KCNH3: variants seen among roughly 807,000 people sequenced by gnomAD.
The protein encoded by KCNH3 is potassium voltage-gated channel subfamily H member 3.
A neutral mutation model predicts 95.6 loss-of-function variants in KCNH3; 36 were observed. That is an observed-to-expected ratio of 0.38 (90% CI 0.29 to 0.50). KCNH3 has a LOEUF of 0.50. Ranked by LOEUF, KCNH3 falls within the 20% of genes least tolerant of loss-of-function variation. The pLI is 0.95. For synonymous variants in KCNH3, 620 were observed against 646.3 expected (o/e 0.96, Z 0.62); for missense variants, 1,030 against 1,484.1 (o/e 0.69, Z 5.03).
intron 5 of KCNH3, 121 bp downstream of exon 5, chr12:49,543,639 T>G: frequency 7.4e-7 from 1 of 1,354,044 alleles, no homozygotes; most frequent in East Asian, 2.4e-5. Context: ...ATTTGTAACC[T>G]GTGAGCTTTG....
intron 2 of KCNH3, 73 bp downstream of exon 2, chr12:49,541,205 C>T (rs1937859298): frequency 2.7e-6 from 3 of 1,098,644 alleles, no homozygotes; most frequent in Non-Finnish European, 4.0e-6. Context: ...CATCCACTGT[C>T]CCTCCTCCTT....
intron 11 of KCNH3, among the ~76,000 whole-genome samples, chr12:49,555,211 C>T (rs1295942780): frequency 1.3e-5 from 2 of 148,372 alleles, no homozygotes; most frequent in Non-Finnish European, 3.0e-5. Context: ...GAGGCTGAGG[C>T]GGGTGGATCA....
Position 49,557,601 on chromosome 12 carries a change from G to A in KCNH3, c.2900G>A (p.Gly967Glu), listed in dbSNP as rs1268903640. The change falls in exon 15 of 15, where the codon GGG becomes GAG. Residue 967 changes from glycine (G) to glutamate (E), a missense_variant. Around this residue, in one of 9 missense-constraint regions of KCNH3, gnomAD observed 464 missense variants for 493.2 expected, o/e 0.94. Transcript: ENST00000257981. ...GGGACTTGGCCCCACCCTCGTCCGG[G>A]GCCTCCTCCCCTCATGGCACCCTGG... The part of the protein sequence containing the change: ...LSGTWPHPRP[G>E]PPPLMAPWPW... 1 of 1,613,260 alleles carries A rather than the reference G, an allele frequency of 6.2e-7. No homozygotes were observed. The highest frequency in any genetic ancestry group is 1.1e-5 in the South Asian group (1 of 91,060).
rs531439540 is a variant in KCNH3, at chr12:49,543,740, C to T, written c.824-175C>T. 500 of 1,041,992 alleles carry T rather than the reference C, an allele frequency of 4.8e-4. 4 individuals carry two copies. Among genetic ancestry groups the T allele is most frequent in the East Asian group, 2.5e-3 (97 of 38,522 alleles). The allele number at this position is 1,041,992 out of a possible 1,614,324, so 64.5% of individuals were successfully genotyped here. A position where few individuals can be genotyped will look rare whatever the true frequency, so the allele number is the denominator to read the frequency against. ...TCTCTGAGCCTCCATAAAATAGATTCCCCCTTTGTAAAATAGGCAAAATGA... is the reference window on the plus strand; with the variant it reads ...TCTCTGAGCCTCCATAAAATAGATTTCCCCTTTGTAAAATAGGCAAAATGA... On this transcript the variant is annotated intron_variant, in intron 5 of 14. Coordinates refer to ENST00000257981, the MANE Select transcript of KCNH3 (RefSeq NM_012284.3).
intron 4 of KCNH3, 129 bp from the exon 5 acceptor site, chr12:49,543,143 CCAT>C (rs1473403730): frequency 4.0e-6 from 4 of 1,001,834 alleles, no homozygotes; most frequent in Non-Finnish European, 5.8e-6. Context: ...GATGCTAATG[CCAT>C]CTCGAAGCAG....
chr12:49,550,043 T>TTCCCCC, intron 9 of KCNH3, 37 bp from the exon 10 acceptor site: 54 of 1,299,526 alleles, frequency 4.2e-5, no homozygotes, highest in East Asian at 7.6e-5. Flanking sequence ...CTTCTGCCAC[T>TTCCCCC]CCCAACCCCC....
At chr12:49,552,107 T>C (rs1938284125) in intron 10 of KCNH3, among the ~76,000 whole-genome samples, 1 of 152,218 alleles carries the variant, frequency 6.6e-6, no homozygotes, top group African/African-American at 2.4e-5. Context: ...CTGGCAATCC[T>C]TGGAGAGATT....
Position 49,544,464 on chromosome 12 carries a change from G to C in KCNH3, c.1189+82G>C, listed in dbSNP as rs1937991177. ...GTGCCAGCGTGGGTGCAGATGTGTG[G>C]TGTCCCTACCTGTGCAAGTCTGCAC... On this transcript the variant is annotated intron_variant, in intron 7 of 14. Transcript: ENST00000257981. 8 of 1,388,054 alleles carry C rather than the reference G, an allele frequency of 5.8e-6. No individual in the cohort carries two copies. In the Admixed American group the frequency reaches 8.5e-5, roughly 15 times the overall value. The allele number at this position is 1,388,054 out of a possible 1,614,324, so 86.0% of individuals were successfully genotyped here. A position where few individuals can be genotyped will look rare whatever the true frequency, so the allele number is the denominator to read the frequency against.
Position 49,539,849 on chromosome 12 carries a change from G to C in KCNH3, c.76+357G>C, listed in dbSNP as rs1038802079. Among the ~76,000 whole-genome samples the C allele has an allele frequency of 1.3e-5, 2 of 152,214 alleles. No individual in the cohort carries two copies. Among genetic ancestry groups the C allele is most frequent in the African/African-American group, 4.8e-5 (2 of 41,464 alleles). On this transcript the variant is annotated intron_variant, in intron 1 of 14. Coordinates refer to ENST00000257981, the MANE Select transcript of KCNH3 (RefSeq NM_012284.3). The surrounding 1 kb of genome is among the most constrained non-coding windows in gnomAD (Gnocchi z 6.7). ...TACCCTCGGACTGGTGGGGTAAGGC[G>C]AGGCGGGTGAACAGTGCTCAGGGAC...
intron 13 of KCNH3, chr12:49,556,683 G>C (rs1269241715): frequency 2.9e-6 from 2 of 698,770 alleles, no homozygotes; most frequent in East Asian, 2.7e-5. Context: ...CCAGGAACTG[G>C]GTTTATATCC....
Position 49,543,348 on chromosome 12 carries a change from TGCACTGTGGG to T in KCNH3, c.660_669del (p.Cys220Ter). The T allele has an allele frequency of 1.9e-6, 3 of 1,613,762 alleles. No homozygotes were observed. The highest frequency in any genetic ancestry group is 2.5e-6 in the Non-Finnish European group (3 of 1,180,022). On this transcript the variant is annotated frameshift_variant, in exon 5 of 15. Coordinates refer to ENST00000257981, the MANE Select transcript of KCNH3 (RefSeq NM_012284.3). LOFTEE classifies it high-confidence loss of function. ...ATCCGGAAGTCGCCCTTCATCCTGTTGCACTGTGGGGCACTGAGAGCCACCTGGGATGGCT... is the reference window on the plus strand; with the variant it reads ...ATCCGGAAGTCGCCCTTCATCCTGTTGCACTGAGAGCCACCTGGGATGGCT...
chr12:49,541,140 G>A lies in KCNH3; in HGVS notation c.310+8G>A, dbSNP rs768658333. On this transcript the variant is annotated splice_region_variant and intron_variant, in intron 2 of 14. Coordinates refer to ENST00000257981, the MANE Select transcript of KCNH3 (RefSeq NM_012284.3). ...TCCTGTACCGGAAGAGCGGTGAGGG[G>A]CCACCTGGCCAGCCTGCCTCACCTT... 1 of 1,591,686 alleles carries A rather than the reference G, an allele frequency of 6.3e-7. No individual in the cohort carries two copies. The highest frequency in any genetic ancestry group is 1.3e-5 in the African/African-American group (1 of 74,750).
Position 49,542,821 on chromosome 12 carries a change from C to G in KCNH3, c.561C>G (p.Gly187=). 6.2e-7 allele frequency: 1 copy of G among 1,606,690 alleles called. No individual in the cohort carries two copies. The highest frequency in any genetic ancestry group is 2.2e-5 in the East Asian group (1 of 44,622). The change falls in exon 4 of 15, where the codon GGC becomes GGG. Residue 187 remains glycine, a synonymous_variant. Transcript: ENST00000257981. ...LSGHLQKQPK[G]KHKLNKGVFG... The stretch of plus-strand genomic sequence containing the variant: ...GGCACCTGCAGAAGCAGCCCAAGGG[C>G]AAGCACAAGCTCAATAAGGTGGGCT...
At chr12:49,548,549 C>A (rs1938147150) in intron 7 of KCNH3, among the ~76,000 whole-genome samples, 2 of 152,120 alleles carry the variant, frequency 1.3e-5, no homozygotes, top group Admixed American at 1.3e-4. Flanking sequence ...CACCATCCAT[C>A]TTTTGGGGTT....
At chr12:49,545,539 T>C (rs1397915810) in intron 7 of KCNH3, among the ~76,000 whole-genome samples, 1 of 151,290 alleles carries the variant, frequency 6.6e-6, no homozygotes, top group Non-Finnish European at 1.5e-5. Flanking sequence ...ACTACAGGCA[T>C]CCGCCAGCAC....
intron 10 of KCNH3, among the ~76,000 whole-genome samples, 160 bp from the exon 11 acceptor site, chr12:49,554,177 C>T (rs1049693341): frequency 2.6e-5 from 4 of 152,236 alleles, no homozygotes; most frequent in Admixed American, 1.3e-4. Context: ...GGCGTCAGGC[C>T]ATGTCCCAGG....
chr12:49,541,360 C>T (rs1199850856), intron 2 of KCNH3, among the ~76,000 whole-genome samples: 2 of 152,214 alleles, frequency 1.3e-5, no homozygotes, highest in African/African-American at 4.8e-5. Flanking sequence ...GTTCCAACCT[C>T]GGGTTTCCCG....
In KCNH3 at chr12:49,557,385, T is replaced by C. The variant is rs890453261; in HGVS notation, c.2684T>C (p.Met895Thr). Residue 895 changes from methionine to threonine, a missense_variant, in exon 15 of 15, where the codon ATG (methionine) becomes ACG (threonine). Coordinates refer to ENST00000257981, the MANE Select transcript of KCNH3 (RefSeq NM_012284.3). ...VTELSEQVLQMREGLQSLRQA... is the reference protein window; with the variant it reads ...VTELSEQVLQTREGLQSLRQA... ...GAGCTGTCAGAGCAGGTGCTGCAGA[T>C]GCGGGAAGGACTGCAGTCACTTCGC... 3 of 1,601,062 alleles carry C rather than the reference T, an allele frequency of 1.9e-6. No individual in the cohort carries two copies. Among genetic ancestry groups the C allele is most frequent in the Non-Finnish European group, 2.6e-6 (3 of 1,171,308 alleles).
chr12:49,554,305 AGG>A, intron 10 of KCNH3, 30 bp from the exon 11 acceptor site: 1 of 1,573,270 alleles, frequency 6.4e-7, no homozygotes, highest in Non-Finnish European at 8.7e-7. Context: ...TGAAGCTCTC[AGG>A]GCTTGCTGAC....
Sources: allele counts gnomAD v4.1 joint callset (sites outside exome capture counted in the v4.1 genomes callset), GRCh38; gene constraint gnomAD v4.1.1; regional missense constraint gnomAD v4.1.1; non-coding constraint Gnocchi (gnomAD v3.1); transcripts MANE v1.5; gene names NCBI Gene and HGNC (gene_info 2026-07-23, HGNC 2026-07-21).